The following PPP1R12B variants were observed in gnomAD, a reference collection of about 807,000 sequenced individuals.
The protein encoded by PPP1R12B is protein phosphatase 1 regulatory subunit 12B.
Under a neutral mutation model 126.1 loss-of-function variants are expected in PPP1R12B, and 76 were observed. That is an observed-to-expected ratio of 0.60 (90% CI 0.50 to 0.73). The LOEUF (loss-of-function observed/expected upper bound fraction) is 0.73. PPP1R12B is among the 30% of genes least tolerant of loss of function. The pLI is 0.00. For synonymous variants in PPP1R12B, 356 were observed against 434.7 expected (o/e 0.82, Z 2.25); for missense variants, 1,052 against 1,205.1 (o/e 0.87, Z 1.88).
At chr1:202,499,782 G>A (rs1202614036) in intron 18 of PPP1R12B, among the ~76,000 whole-genome samples, 1 of 152,212 alleles carries the variant, frequency 6.6e-6, no homozygotes, top group Non-Finnish European at 1.5e-5. Context: ...GGTCATTGAA[G>A]TTCATTTCCT....
intron 1 of PPP1R12B, among the ~76,000 whole-genome samples, chr1:202,389,839 A>G (rs1663830692): frequency 6.6e-6 from 1 of 150,716 alleles, no homozygotes; most frequent in Non-Finnish European, 1.5e-5. Context: ...AGGCAGGAGA[A>G]TTGCTTGAGC....
intron 18 of PPP1R12B, among the ~76,000 whole-genome samples, chr1:202,515,990 A>G (rs569512221): frequency 4.4e-4 from 67 of 152,340 alleles, no homozygotes; most frequent in African/African-American, 1.6e-3. Flanking sequence ...GTTTAATTCA[A>G]GTCCCTCCTC....
chr1:202,478,428 C>A (rs75055489), intron 13 of PPP1R12B, among the ~76,000 whole-genome samples: 1,564 of 152,178 alleles, frequency 0.01, 26 homozygotes, highest in African/African-American at 0.035. Context: ...CTTTGGAATG[C>A]CCATCTGAGA....
chr1:202,394,215 C>T (rs548569622), intron 1 of PPP1R12B, among the ~76,000 whole-genome samples: 42 of 151,200 alleles, frequency 2.8e-4, no homozygotes, highest in Non-Finnish European at 5.0e-4. Context: ...GCAGTGAGAT[C>T]GCACCACTGC....
At position 202,348,815 on chromosome 1, in the gene PPP1R12B, G is replaced by A; in HGVS notation, c.-37G>A. ...ACTCGAGCCCCAACAGTAATTTAGT[G>A]TTGGTAGTTTTGGCAGCAGCTGCCG... is the stretch of plus-strand genomic sequence containing the variant. On this transcript the variant is annotated 5_prime_UTR_variant, in exon 1 of 24. Coordinates refer to ENST00000608999, the MANE Select transcript of PPP1R12B (RefSeq NM_002481.4). 1.3e-6 allele frequency: 2 copies of A among 1,586,996 alleles called. No homozygotes were observed.
At chr1:202,398,502 T>G (rs1665331387) in intron 1 of PPP1R12B, among the ~76,000 whole-genome samples, 1 of 152,232 alleles carries the variant, frequency 6.6e-6, no homozygotes, top group South Asian at 2.1e-4. Context: ...ATATTCACTA[T>G]TTAGTTGTTG....
intron 13 of PPP1R12B, among the ~76,000 whole-genome samples, chr1:202,474,290 A>ATT (rs752137864): frequency 1.4e-5 from 2 of 144,112 alleles, no homozygotes. Flanking sequence ...AACAAATTGC[A>ATT]TTTTTTTTTT....
intron 6 of PPP1R12B, among the ~76,000 whole-genome samples, chr1:202,430,391 T>G (rs1235093536): frequency 7.2e-5 from 11 of 152,194 alleles, no homozygotes; most frequent in Admixed American, 1.3e-4. Flanking sequence ...TATTGCCAAC[T>G]TATTTCAGTA....
rs541361367 is a variant in PPP1R12B at position 202,383,827 on chromosome 1, A to G, written c.292-32960A>G. On this transcript the variant is annotated intron_variant, in intron 1 of 23. Transcript: ENST00000608999. ...TATCTTCACATTGATACATATAACA[A>G]TAATTTATTTTTTACATTGTTGTGT... 2.6e-5 allele frequency among the ~76,000 whole-genome samples: 4 copies of G among 152,358 alleles called. No individual in the cohort carries two copies. The South Asian group carries it at 6.2e-4, about 24-fold the overall frequency.
intron 18 of PPP1R12B, among the ~76,000 whole-genome samples, chr1:202,554,080 C>CA (rs1686624951): frequency 6.6e-6 from 1 of 152,100 alleles, no homozygotes; most frequent in East Asian, 1.9e-4. Flanking sequence ...ACCCAAGAAA[C>CA]CCCATCTTCT....
intron 10 of PPP1R12B, chr1:202,439,833 G>A: frequency 5.3e-6 from 2 of 374,428 alleles, no homozygotes; most frequent in Non-Finnish European, 1.0e-5. Context: ...CTCCACTGGG[G>A]CCAGCCTCAG....
chr1:202,404,105 T>C (rs952566325), intron 1 of PPP1R12B, among the ~76,000 whole-genome samples: 1 of 152,192 alleles, frequency 6.6e-6, no homozygotes, highest in African/African-American at 2.4e-5. Context: ...ATTCTGTTAG[T>C]ATCACTCTCT....
At chr1:202,493,010 T>G (rs1679090593) in intron 14 of PPP1R12B, 104 bp from the exon 15 acceptor site, 1 of 1,232,968 alleles carries the variant, frequency 8.1e-7, no homozygotes, top group Non-Finnish European at 1.2e-6. Context: ...GGGCTTCATT[T>G]TGGGATTTGA....
Position 202,499,594 on chromosome 1 carries a change from G to A in PPP1R12B, c.2490+2772G>A, listed in dbSNP as rs190468097. Among the ~76,000 whole-genome samples, 10 of 152,266 alleles carry A rather than the reference G, an allele frequency of 6.6e-5. No homozygotes were observed. The East Asian group carries it at 1.4e-3, about 21-fold the overall frequency. On this transcript the variant is annotated intron_variant, in intron 18 of 23. Transcript: ENST00000608999. The stretch of plus-strand genomic sequence containing the variant: ...TTAATGGTAGAAAGGAAGCTTCAAC[G>A]GTTATTATCTTTATCTTATGCCTCC...
chr1:202,525,597 GCTTTTTTTTTTTTT>G (rs1266638395), intron 18 of PPP1R12B, among the ~76,000 whole-genome samples: 3 of 148,524 alleles, frequency 2.0e-5, no homozygotes, highest in Admixed American at 6.7e-5. Flanking sequence ...ATTGAGAAAA[GCTTTTTTTTTTTTT>G]CTTTTTTTTT....
At position 202,583,396 on chromosome 1, in the gene PPP1R12B, T is replaced by C. The variant is rs1366132826; in HGVS notation, c.*2836T>C. ...ACCCTTCCATGTTAAAGCTGACTTT[T>C]CTTGCCAGAAAGTTTTCCTTGTGAC... is the stretch of plus-strand genomic sequence containing the variant. On this transcript the variant is annotated 3_prime_UTR_variant, in exon 24 of 24. Transcript: ENST00000608999. The C allele has an allele frequency of 3.3e-5, 5 of 152,214 alleles. No individual in the cohort carries two copies. The highest frequency in any genetic ancestry group is 1.2e-4 in the African/African-American group (5 of 41,444). The allele number at this position is 152,214 out of a possible 1,614,324, so 9.4% of individuals were successfully genotyped here.
chr1:202,506,036 G>C (rs1477879282), intron 18 of PPP1R12B, among the ~76,000 whole-genome samples: 1 of 152,304 alleles, frequency 6.6e-6, no homozygotes, highest in Middle Eastern at 3.4e-3. Flanking sequence ...GGCATTCCAC[G>C]TGTAGAAAAG....
At chr1:202,364,817 G>C (rs7365263) in intron 1 of PPP1R12B, among the ~76,000 whole-genome samples, 65,529 of 151,408 alleles carry the variant, frequency 0.43, 15,460 homozygotes, top group East Asian at 0.7. Flanking sequence ...ACCTCGTGAT[G>C]GGCCCGCCTC....
chr1:202,374,474 T>C (rs1297175917), intron 1 of PPP1R12B, among the ~76,000 whole-genome samples: 1 of 149,850 alleles, frequency 6.7e-6, no homozygotes, highest in African/African-American at 2.4e-5. Flanking sequence ...CAAATCCATC[T>C]GCTTTCATTT....
Sources: allele counts gnomAD v4.1 joint callset (sites outside exome capture counted in the v4.1 genomes callset), GRCh38; gene constraint gnomAD v4.1.1; transcripts MANE v1.5; gene names NCBI Gene and HGNC (gene_info 2026-07-23, HGNC 2026-07-21).